The following CRYBG1 variants were observed in gnomAD, a reference collection of about 807,000 sequenced individuals.
CRYBG1 encodes the protein crystallin beta-gamma domain containing 1.
A neutral mutation model predicts 189.2 loss-of-function variants in CRYBG1; 139 were observed. That is an observed-to-expected ratio of 0.73 (90% CI 0.64 to 0.85). The LOEUF (loss-of-function observed/expected upper bound fraction) is 0.85, where lower values mean the gene tolerates loss of function less well. CRYBG1 is among the 40% of genes least tolerant of loss of function. The pLI, the probability that CRYBG1 is intolerant of heterozygous loss-of-function variation, is 0.00. For missense variants in CRYBG1, 2,611 were observed against 2,675.8 expected (o/e 0.98, Z 0.53); for synonymous variants, 1,023 against 1,017.1 (o/e 1.01, Z -0.11).
chr6:106,394,305 G>A (rs1275419033), intron 1 of CRYBG1, among the ~76,000 whole-genome samples: 102 of 152,260 alleles, frequency 6.7e-4, no homozygotes, highest in Non-Finnish European at 5.9e-5. Context: ...CCTTTCTTAT[G>A]ATACATATAC....
chr6:106,569,027 A>G lies in CRYBG1; in HGVS notation c.*461A>G, dbSNP rs1774981051. The G allele has an allele frequency of 6.5e-6, 1 of 155,014 alleles. No homozygotes were observed. Among genetic ancestry groups the G allele is most frequent in the Admixed American group, 6.3e-5 (1 of 15,812 alleles). The allele number at this position is 155,014 out of a possible 1,614,324, so 9.6% of individuals were successfully genotyped here. ...AGAACTGTTTAGCATCTGAGAAGAA[A>G]TACTTTATTAGGCCTGTAATTTTGG... On this transcript the variant is annotated 3_prime_UTR_variant, in exon 22 of 22. Transcript: ENST00000633556.
At chr6:106,455,173 T>G (rs950738520) in intron 2 of CRYBG1, among the ~76,000 whole-genome samples, 3 of 152,182 alleles carry the variant, frequency 2.0e-5, no homozygotes, top group Non-Finnish European at 4.4e-5. Flanking sequence ...GCGTAGAAGG[T>G]ATGTTTATTT....
chr6:106,415,876 G>A (rs1221252780), intron 1 of CRYBG1, among the ~76,000 whole-genome samples: 6 of 152,186 alleles, frequency 3.9e-5, no homozygotes, highest in Non-Finnish European at 7.3e-5. Flanking sequence ...TGTGGGCAAC[G>A]ATGTGCTTCT....
At chr6:106,516,252 TA>T (rs1172185581) in intron 3 of CRYBG1, among the ~76,000 whole-genome samples, 4 of 142,702 alleles carry the variant, frequency 2.8e-5, no homozygotes, top group Admixed American at 1.4e-4. Context: ...TTTTTTTTTT[TA>T]GACAGAGTCT....
chr6:106,538,596 A>T (rs1774057100), intron 8 of CRYBG1, among the ~76,000 whole-genome samples: 1 of 152,166 alleles, frequency 6.6e-6, no homozygotes. Context: ...AATTGCCATC[A>T]CAAAAATGAT....
In CRYBG1 at chr6:106,452,051, AT is replaced by A. The variant is rs200867068; in HGVS notation, c.312+224del. On this transcript the variant is annotated intron_variant, in intron 2 of 21. Coordinates refer to ENST00000633556, the MANE Select transcript of CRYBG1 (RefSeq NM_001371242.2). ...AATATAATAATTTATTATGTAATCT[AT>A]TTTTATATAATTATTATATATATCA... 9.1e-3 allele frequency among the ~76,000 whole-genome samples: 1,349 copies of A among 147,716 alleles called. 24 individuals carry two copies. The highest frequency in any genetic ancestry group is 0.031 in the African/African-American group (1,266 of 40,792).
chr6:106,542,776 G>A (rs971970685), intron 10 of CRYBG1, among the ~76,000 whole-genome samples: 9 of 147,936 alleles, frequency 6.1e-5, no homozygotes, highest in Admixed American at 2.0e-4. Flanking sequence ...AGCCTCCTGC[G>A]TAGCTGAGAT....
At chr6:106,435,077 G>A (rs1442748065) in intron 1 of CRYBG1, among the ~76,000 whole-genome samples, 1 of 152,134 alleles carries the variant, frequency 6.6e-6, no homozygotes, top group Non-Finnish European at 1.5e-5. Context: ...TTGAAATGAT[G>A]CACAACAGGA....
rs1204774787 is a variant in CRYBG1, at chr6:106,511,645, G to A, written c.528G>A (p.Lys176=). ...ERSRSQSSQL[K]QTDTSEEGSP... The stretch of plus-strand genomic sequence containing the variant: ...GCAGATCTCAGAGCAGCCAACTGAA[G>A]CAAACGGACACAAGCGAGGAGGGCT... The change falls in exon 3 of 22, where the codon AAG becomes AAA. Residue 176 remains lysine, a synonymous_variant. Transcript: ENST00000633556. The A allele has an allele frequency of 9.8e-6, 15 of 1,535,864 alleles. No individual in the cohort carries two copies. The Admixed American group carries it at 1.4e-4, about 14-fold the overall frequency.
At chr6:106,389,608 A>C (rs1326632936) in intron 1 of CRYBG1, among the ~76,000 whole-genome samples, 1 of 152,134 alleles carries the variant, frequency 6.6e-6, no homozygotes. Context: ...TTTTAGAAAA[A>C]TAGCAATTTT....
intron 2 of CRYBG1, among the ~76,000 whole-genome samples, chr6:106,497,786 G>A (rs569027505): frequency 6.6e-6 from 1 of 152,324 alleles, no homozygotes; most frequent in South Asian, 2.1e-4. Context: ...GGCACATGCA[G>A]GTTCTTAAGA....
chr6:106,514,422 G>A (rs1773371751), intron 3 of CRYBG1, among the ~76,000 whole-genome samples: 1 of 152,088 alleles, frequency 6.6e-6, no homozygotes, highest in Admixed American at 6.6e-5. Context: ...TTCTGATTGG[G>A]AGAACTCTGA....
intron 1 of CRYBG1, among the ~76,000 whole-genome samples, chr6:106,439,448 T>C (rs950399227): frequency 1.3e-5 from 2 of 152,186 alleles, no homozygotes; most frequent in African/African-American, 4.8e-5. Context: ...CTGAAGAATA[T>C]GAATACAGTG....
chr6:106,471,267 C>A (rs1772227850), intron 2 of CRYBG1, among the ~76,000 whole-genome samples: 1 of 152,168 alleles, frequency 6.6e-6, no homozygotes. Flanking sequence ...CCTTCCCTTC[C>A]AGGATGCTCC....
At chr6:106,470,843 A>G (rs1179217791) in intron 2 of CRYBG1, among the ~76,000 whole-genome samples, 1 of 152,162 alleles carries the variant, frequency 6.6e-6, no homozygotes, top group African/African-American at 2.4e-5. Context: ...TGAGTTAGGT[A>G]TCATTATCCC....
At chr6:106,559,825 T>A (rs953575494) in intron 18 of CRYBG1, among the ~76,000 whole-genome samples, 4 of 152,070 alleles carry the variant, frequency 2.6e-5, no homozygotes, top group Non-Finnish European at 5.9e-5. Flanking sequence ...CTGGGCGCAG[T>A]GACTCACGTC....
At chr6:106,396,279 T>G (rs1331539386) in intron 1 of CRYBG1, among the ~76,000 whole-genome samples, 1 of 152,224 alleles carries the variant, frequency 6.6e-6, no homozygotes, top group East Asian at 1.9e-4. Context: ...AACCACTGAT[T>G]AGTCTCCCAG....
At chr6:106,465,590 T>C (rs1355096645) in intron 2 of CRYBG1, among the ~76,000 whole-genome samples, 1 of 151,648 alleles carries the variant, frequency 6.6e-6, no homozygotes, top group African/African-American at 2.4e-5. Flanking sequence ...TGTAGATTTC[T>C]TTGGAGTAAA....
intron 1 of CRYBG1, among the ~76,000 whole-genome samples, chr6:106,369,911 A>AGTGAGGCTGGGATTCCATTAAGT (rs1769983279): frequency 6.6e-6 from 1 of 152,222 alleles, no homozygotes; most frequent in African/African-American, 2.4e-5. Flanking sequence ...GCTCATTAAG[A>AGTGAGGCTGGGATTCCATTAAGT]GTGAGGCTGG....
Sources: allele counts gnomAD v4.1 joint callset (sites outside exome capture counted in the v4.1 genomes callset), GRCh38; gene constraint gnomAD v4.1.1; transcripts MANE v1.5; gene names NCBI Gene and HGNC (gene_info 2026-07-23, HGNC 2026-07-21).